Variants in IGSF11 observed in about 807,000 individuals in gnomAD.
IGSF11 encodes CXADR like 1.
A neutral mutation model predicts 41.0 loss-of-function variants in IGSF11; 22 were observed. The observed-to-expected ratio is 0.54, with a 90% CI of 0.38 to 0.77. The LOEUF (loss-of-function observed/expected upper bound fraction) is 0.77, where lower values mean the gene tolerates loss of function less well. IGSF11 is among the 30% of genes least tolerant of loss of function. The pLI is 0.00. For missense variants in IGSF11, 444 were observed against 530.8 expected (o/e 0.84, Z 1.61); for synonymous variants, 219 against 201.3 (o/e 1.09, Z -0.74).
intron 1 of IGSF11, among the ~76,000 whole-genome samples, chr3:119,014,957 A>G (rs964830779): frequency 2.0e-5 from 3 of 152,234 alleles, no homozygotes; most frequent in Admixed American, 2.0e-4. Context: ...TGTATGAGTC[A>G]TATACAGTAT....
At chr3:119,023,246 G>A (rs186782369) in intron 1 of IGSF11, among the ~76,000 whole-genome samples, 3,363 of 124,492 alleles carry the variant, frequency 0.027, 125 homozygotes, top group African/African-American at 0.096. Context: ...CTGGGCGACA[G>A]AGCGAGACTC....
intron 1 of IGSF11, among the ~76,000 whole-genome samples, chr3:119,053,103 T>A (rs142709403): frequency 6.6e-6 from 1 of 152,106 alleles, no homozygotes; most frequent in East Asian, 1.9e-4. Context: ...GGATGCCCAC[T>A]TTCACCACTT....
intron 1 of IGSF11, among the ~76,000 whole-genome samples, chr3:119,086,919 A>G (rs774818287): frequency 6.6e-6 from 1 of 152,196 alleles, no homozygotes; most frequent in South Asian, 2.1e-4. Flanking sequence ...AACCTTGAAC[A>G]TAAATGGGCC....
At chr3:119,100,285 T>C (rs1378468364) in intron 1 of IGSF11, among the ~76,000 whole-genome samples, 1 of 152,064 alleles carries the variant, frequency 6.6e-6, no homozygotes, top group African/African-American at 2.4e-5. Context: ...GCTGTAACAA[T>C]GGCAATAGAG....
intron 1 of IGSF11, among the ~76,000 whole-genome samples, chr3:119,060,136 C>T (rs1942007025): frequency 6.6e-6 from 1 of 152,148 alleles, no homozygotes; most frequent in South Asian, 2.1e-4. Context: ...CTATGAGCTA[C>T]CTAACAGCCT....
chr3:119,016,858 TA>T (rs1357043005), intron 1 of IGSF11, among the ~76,000 whole-genome samples: 5 of 152,172 alleles, frequency 3.3e-5, no homozygotes, highest in African/African-American at 1.2e-4. Flanking sequence ...ACCTGTTCCA[TA>T]AAGTGTCTGA....
At chr3:119,034,876 A>G, upstream of IGSF11, 1 of 1,155,590 alleles carries the variant, frequency 8.7e-7, no homozygotes, top group Non-Finnish European at 1.1e-6. Context: ...CCGGGGAGCC[A>G]CTCCCCCCAA....
chr3:119,042,597 C>A (rs562605014), intron 1 of IGSF11, among the ~76,000 whole-genome samples: 16 of 152,150 alleles, frequency 1.1e-4, no homozygotes, highest in Non-Finnish European at 1.8e-4. Flanking sequence ...TCCTACCCCC[C>A]ACAGTGGTGG....
intron 1 of IGSF11, among the ~76,000 whole-genome samples, chr3:119,088,496 C>A (rs1174361076): frequency 6.6e-6 from 1 of 152,068 alleles, no homozygotes; most frequent in East Asian, 1.9e-4. Context: ...TATTAACAAT[C>A]TAACTTTGTG....
intron 1 of IGSF11, among the ~76,000 whole-genome samples, chr3:119,001,033 T>C (rs577462349): frequency 1.3e-5 from 2 of 152,282 alleles, no homozygotes; most frequent in South Asian, 4.2e-4. Flanking sequence ...TTTGCTGTTC[T>C]TCAATCATGC....
chr3:119,103,439 A>G (rs994996028), intron 1 of IGSF11, among the ~76,000 whole-genome samples: 43 of 149,430 alleles, frequency 2.9e-4, no homozygotes, highest in Non-Finnish European at 5.6e-4. Flanking sequence ...ACTACTGCTC[A>G]TGTTTGAATG....
chr3:119,014,926 C>T (rs530013070), intron 1 of IGSF11, among the ~76,000 whole-genome samples: 6 of 152,136 alleles, frequency 3.9e-5, no homozygotes, highest in Non-Finnish European at 5.9e-5. Flanking sequence ...TACCTATACA[C>T]CTTTTTATGT....
chr3:119,082,786 A>C (rs1207122305), intron 1 of IGSF11, among the ~76,000 whole-genome samples: 1 of 152,242 alleles, frequency 6.6e-6, no homozygotes, highest in East Asian at 1.9e-4. Flanking sequence ...CTGAAATCTT[A>C]AGGGAAGAAT....
intron 4 of IGSF11, among the ~76,000 whole-genome samples, chr3:118,921,728 T>G (rs1941815397): frequency 6.6e-6 from 1 of 152,128 alleles, no homozygotes; most frequent in African/African-American, 2.4e-5. Flanking sequence ...TATTCTGTTT[T>G]TGTATAGAGA....
intron 1 of IGSF11, among the ~76,000 whole-genome samples, chr3:119,086,515 A>G (rs1351667892): frequency 1.3e-5 from 2 of 152,170 alleles, no homozygotes; most frequent in African/African-American, 4.8e-5. Context: ...AGGTAGCTAA[A>G]GAGAAAGGTC....
At chr3:119,057,028 C>T (rs1050952530) in intron 1 of IGSF11, among the ~76,000 whole-genome samples, 1 of 152,126 alleles carries the variant, frequency 6.6e-6, no homozygotes, top group South Asian at 2.1e-4. Flanking sequence ...ACTGAATGGA[C>T]AAAAACTGGA....
At chr3:119,037,458 A>G (rs560566686), upstream of IGSF11, among the ~76,000 whole-genome samples, 4 of 152,098 alleles carry the variant, frequency 2.6e-5, no homozygotes, top group African/African-American at 7.2e-5. Context: ...TCACTACCAC[A>G]CCCAGACACC....
At chr3:119,080,591 T>G (rs912634047) in intron 1 of IGSF11, among the ~76,000 whole-genome samples, 1 of 152,174 alleles carries the variant, frequency 6.6e-6, no homozygotes, top group African/African-American at 2.4e-5. Flanking sequence ...TTTTTAGTCA[T>G]TTTGATTAAA....
chr3:119,089,982 G>C (rs1044453802), intron 1 of IGSF11, among the ~76,000 whole-genome samples: 2 of 152,122 alleles, frequency 1.3e-5, no homozygotes, highest in Admixed American at 6.6e-5. Context: ...CTGGTATCAT[G>C]CCACTGCACT....
Sources: gnomAD v4.1 joint callset for allele counts (sites outside exome capture counted in the v4.1 genomes callset) on GRCh38, gnomAD v4.1.1 for gene constraint, MANE v1.5 for transcripts, NCBI Gene and HGNC (gene_info 2026-07-23, HGNC 2026-07-21) for gene names.